Variants in TGFBRAP1 observed in about 807,000 individuals in gnomAD.
The protein encoded by TGFBRAP1 is transforming growth factor beta receptor associated protein 1, also known as transforming growth factor-beta receptor-associated protein 1.
Under a neutral mutation model 83.2 loss-of-function variants are expected in TGFBRAP1, and 20 were observed. The ratio of observed to expected loss-of-function variants is 0.24; its 90% CI spans 0.17 to 0.35. TGFBRAP1 has a LOEUF of 0.35. Ranked by LOEUF, TGFBRAP1 falls within the 10% of genes least tolerant of loss-of-function variation. TGFBRAP1 has a pLI of 1.00. For synonymous variants in TGFBRAP1, 415 were observed against 459.8 expected, an observed-to-expected ratio of 0.90 and a Z score of 1.25; for missense variants, 950 against 1,099.4, an observed-to-expected ratio of 0.86 and a Z score of 1.92.
At chr2:105,326,030 G>A (rs1679216752) in intron 1 of TGFBRAP1, among the ~76,000 whole-genome samples, 1 of 151,982 alleles carries the variant, frequency 6.6e-6, no homozygotes, top group Non-Finnish European at 1.5e-5. Context: ...TCTAAAAAAA[G>A]AGGATTAAAA....
chr2:105,325,356 C>T (rs17638586), intron 1 of TGFBRAP1, among the ~76,000 whole-genome samples: 7,318 of 152,214 alleles, frequency 0.048, 209 homozygotes, highest in Middle Eastern at 0.075. Context: ...CTTACCTTGA[C>T]GCTGAGAGGT....
intron 2 of TGFBRAP1, among the ~76,000 whole-genome samples, chr2:105,300,089 G>A (rs1199297818): frequency 2.0e-5 from 3 of 152,128 alleles, no homozygotes; most frequent in Non-Finnish European, 4.4e-5. Context: ...ATCTAAGCTG[G>A]GAGAAGGAGA....
the TGFBRAP1 span, among the ~76,000 whole-genome samples, chr2:105,255,490 G>A: frequency 2.6e-4 from 39 of 152,098 alleles, no homozygotes; most frequent in East Asian, 3.9e-4. Flanking sequence ...CCTGACTAAC[G>A]TTTTACTTTT....
chr2:105,273,703 C>T lies in TGFBRAP1; in HGVS notation c.1666-13G>A, dbSNP rs577885018. 1.4e-5 allele frequency: 23 copies of T among 1,613,582 alleles called. No homozygotes were observed. Among genetic ancestry groups the T allele is most frequent in the South Asian group, 5.5e-5 (5 of 90,952 alleles). ...CCTGAACTCCGACCTGAAAGAGGAG[C>T]GACAATACAGTGACTGTGCTTCCCA... On this transcript the variant is annotated splice_polypyrimidine_tract_variant and intron_variant, in intron 8 of 11. Transcript: ENST00000393359.
chr2:105,292,663 G>C (rs1196333490), intron 4 of TGFBRAP1, among the ~76,000 whole-genome samples: 1 of 151,222 alleles, frequency 6.6e-6, no homozygotes, highest in African/African-American at 2.4e-5. Flanking sequence ...GGAGAAGGAG[G>C]GAGAGAGAGA....
the TGFBRAP1 span, among the ~76,000 whole-genome samples, chr2:105,252,922 T>C: frequency 1.9e-3 from 287 of 151,466 alleles, 1 homozygote; most frequent in Non-Finnish European, 3.1e-3. Flanking sequence ...CCGGACAATT[T>C]TTTTTGTATT....
chr2:105,284,352 G>A lies in TGFBRAP1; in HGVS notation c.1085C>T (p.Ala362Val). Residue 362 changes from alanine (A) to valine (V), a missense_variant, in exon 5 of 12, where the codon GCA becomes GTA. Coordinates refer to ENST00000393359, the MANE Select transcript of TGFBRAP1 (RefSeq NM_004257.6). Reference protein sequence around the residue: ...ILQQAGFIQFAQLQFLEAKEL... With the variant: ...ILQQAGFIQFVQLQFLEAKEL... ...TTTAGCTTCCAGGAACTGAAGTTGT[G>A]CAAACTGTATAAATCCCGCCTGCTG... 1.2e-6 allele frequency: 2 copies of A among 1,614,008 alleles called. No individual in the cohort carries two copies. The highest frequency in any genetic ancestry group is 1.1e-5 in the South Asian group (1 of 91,058).
chr2:105,257,117 C>T, the TGFBRAP1 span, among the ~76,000 whole-genome samples: 1 of 152,190 alleles, frequency 6.6e-6, no homozygotes, highest in African/African-American at 2.4e-5. Context: ...TCTTTTATTC[C>T]TTTACTTTCT....
At chr2:105,255,006 A>T in the TGFBRAP1 span, among the ~76,000 whole-genome samples, 1 of 152,158 alleles carries the variant, frequency 6.6e-6, no homozygotes, top group African/African-American at 2.4e-5. Flanking sequence ...CTGTTGCCTA[A>T]GTCTGCAGTC....
intron 2 of TGFBRAP1, among the ~76,000 whole-genome samples, chr2:105,306,123 C>T (rs1426238457): frequency 2.7e-5 from 4 of 147,040 alleles, no homozygotes; most frequent in Admixed American, 1.4e-4. Flanking sequence ...AGTGCAATGG[C>T]GTGATCTCAG....
Position 105,289,096 on chromosome 2 carries a change from T to A in TGFBRAP1, c.1039-4698A>T, listed in dbSNP as rs573088245. On this transcript the variant is annotated intron_variant, in intron 4 of 11. Transcript: ENST00000393359. Reference sequence around the variant, plus strand: ...AGAAGGAAGCCTGCAATGGACACATTCAAAGCACAAAAGGTGGTCAATTCC... The same window carrying A: ...AGAAGGAAGCCTGCAATGGACACATACAAAGCACAAAAGGTGGTCAATTCC... 2.2e-4 allele frequency among the ~76,000 whole-genome samples: 34 copies of A among 152,012 alleles called. No individual in the cohort carries two copies. The South Asian group carries it at 6.7e-3, about 30-fold the overall frequency.
At chr2:105,297,460 G>A (rs762290298) in intron 3 of TGFBRAP1, among the ~76,000 whole-genome samples, 1 of 152,150 alleles carries the variant, frequency 6.6e-6, no homozygotes, top group Admixed American at 6.5e-5. Context: ...CAGCGCATGC[G>A]CCAGAGCCCC....
chr2:105,316,462 T>TGTGTGTGTGTGTGTGCGC (rs1177329674), intron 1 of TGFBRAP1, among the ~76,000 whole-genome samples: 2 of 84,810 alleles, frequency 2.4e-5, no homozygotes, highest in Non-Finnish European at 2.3e-5. Context: ...TGTGTGTGTG[T>TGTGTGTGTGTGTGTGCGC]GCGCGCGCGC....
chr2:105,309,794 C>T (rs1678635181), intron 1 of TGFBRAP1, among the ~76,000 whole-genome samples: 1 of 152,152 alleles, frequency 6.6e-6, no homozygotes, highest in African/African-American at 2.4e-5. Context: ...CCCTAAAATT[C>T]ATATGTTGGA....
At chr2:105,289,217 G>A (rs1024715817) in intron 4 of TGFBRAP1, among the ~76,000 whole-genome samples, 2 of 151,622 alleles carry the variant, frequency 1.3e-5, no homozygotes, top group Non-Finnish European at 2.9e-5. Flanking sequence ...GTGGGGGGGT[G>A]CCAAACTCTC....
At chr2:105,311,159 A>G (rs1558651729) in intron 1 of TGFBRAP1, among the ~76,000 whole-genome samples, 1 of 144,600 alleles carries the variant, frequency 6.9e-6, no homozygotes, top group South Asian at 2.2e-4. Flanking sequence ...AAAAAAAAAA[A>G]AACAAAAAAC....
At chr2:105,276,010 T>A (rs182219737) in intron 7 of TGFBRAP1, among the ~76,000 whole-genome samples, 130 of 152,326 alleles carry the variant, frequency 8.5e-4, no homozygotes, top group Non-Finnish European at 1.6e-3. Flanking sequence ...TTAAAAATGT[T>A]TCTTCATGAA....
intron 1 of TGFBRAP1, among the ~76,000 whole-genome samples, chr2:105,308,807 C>A (rs1678606528): frequency 6.6e-6 from 1 of 152,096 alleles, no homozygotes; most frequent in African/African-American, 2.4e-5. Flanking sequence ...CAGAAATGAT[C>A]CTCACTGATC....
At chr2:105,250,803 G>C in the TGFBRAP1 span, among the ~76,000 whole-genome samples, 36 of 152,198 alleles carry the variant, frequency 2.4e-4, no homozygotes, top group Admixed American at 1.8e-3. Context: ...GCAGGCGCGC[G>C]CCGCCACGCC....
Sources: gnomAD v4.1 joint callset for allele counts (sites outside exome capture counted in the v4.1 genomes callset) on GRCh38, gnomAD v4.1.1 for gene constraint, MANE v1.5 for transcripts, NCBI Gene and HGNC (gene_info 2026-07-23, HGNC 2026-07-21) for gene names.